The following RBBP8 variants were observed in gnomAD, a reference collection of about 807,000 sequenced individuals.
RBBP8 encodes the protein RB binding protein 8, endonuclease.
RBBP8 carries 88 observed loss-of-function variants against 108.3 expected under a neutral mutation model. That is an observed-to-expected ratio of 0.81 (90% CI 0.68 to 0.97). RBBP8 has a LOEUF of 0.97. Among genes scored for constraint, RBBP8 ranks in the 50% least tolerant of loss-of-function variants. RBBP8 has a pLI of 0.00. For synonymous variants in RBBP8, 332 were observed against 348.2 expected, an observed-to-expected ratio of 0.95 and a Z score of 0.52; for missense variants, 1,023 against 1,049.0, an observed-to-expected ratio of 0.98 and a Z score of 0.34.
intron 12 of RBBP8, 89 bp downstream of exon 12, chr18:22,993,936 T>A (rs1478798253): frequency 7.0e-7 from 1 of 1,420,488 alleles, no homozygotes; most frequent in African/African-American, 1.4e-5. Flanking sequence ...TGAATTGTTT[T>A]GGAAAAAAAC....
intron 16 of RBBP8, among the ~76,000 whole-genome samples, chr18:23,011,688 C>G (rs544873450): frequency 1.3e-5 from 2 of 152,192 alleles, no homozygotes; most frequent in South Asian, 4.1e-4. Flanking sequence ...ATCCGCCTGC[C>G]TAGGTCTCCC....
At chr18:23,008,705 T>C (rs2046101532) in intron 16 of RBBP8, among the ~76,000 whole-genome samples, 3 of 152,082 alleles carry the variant, frequency 2.0e-5, no homozygotes, top group Non-Finnish European at 2.9e-5. Flanking sequence ...GGTTGCACTT[T>C]AGTCATTGTT....
intron 4 of RBBP8, among the ~76,000 whole-genome samples, chr18:22,954,113 T>C (rs1460553489): frequency 3.3e-5 from 5 of 152,098 alleles, no homozygotes; most frequent in Non-Finnish European, 7.4e-5. Context: ...AGCCAAATCA[T>C]ATCATTCCAC....
chr18:22,956,106 G>A (rs566978737), intron 4 of RBBP8, among the ~76,000 whole-genome samples: 93 of 150,420 alleles, frequency 6.2e-4, no homozygotes, highest in African/African-American at 2.0e-3. Flanking sequence ...TTTTTTTTTC[G>A]TTTTTGTTTT....
intron 16 of RBBP8, among the ~76,000 whole-genome samples, chr18:23,007,003 A>G (rs11873573): frequency 1 from 150,588 of 151,224 alleles, 74,976 homozygotes; most frequent in African/African-American, 1. Context: ...GTGCGTGTGC[A>G]TGTGTGTGTG....
intron 2 of RBBP8, among the ~76,000 whole-genome samples, chr18:22,938,999 G>A (rs931545291): frequency 5.9e-5 from 9 of 152,190 alleles, no homozygotes; most frequent in Admixed American, 1.3e-4. Context: ...ATGAAGCTAA[G>A]CTCAAGGTTT....
chr18:22,996,300 T>A, intron 12 of RBBP8, 74 bp from the exon 13 acceptor site: 1 of 1,583,006 alleles, frequency 6.3e-7, no homozygotes, highest in South Asian at 1.1e-5. Context: ...ATTCTTTAGG[T>A]CCCATAATAT....
chr18:22,993,418 G>T lies in RBBP8; in HGVS notation c.1591G>T (p.Gly531Cys). 6.2e-7 allele frequency: 1 copy of T among 1,614,182 alleles called. No individual in the cohort carries two copies. The highest frequency in any genetic ancestry group is 1.1e-5 in the South Asian group (1 of 91,080). ...LYEALKTIPK[G>C]FSSSRKASDG... ...TGAGGCTTTGAAGACCATTCCAAAG[G>T]GCTTTTCCTCAAGCCGTAAGGCCTC... The change falls in exon 11 of 19, where the codon GGC becomes TGC. Residue 531 changes from glycine to cysteine, a missense_variant. By Grantham distance (159) the Gly-to-Cys change is radical. Transcript: ENST00000327155.
At chr18:22,953,478 T>A (rs1158202937) in intron 4 of RBBP8, among the ~76,000 whole-genome samples, 2 of 152,224 alleles carry the variant, frequency 1.3e-5, no homozygotes, top group Non-Finnish European at 2.9e-5. Context: ...AAACATTGGC[T>A]TAATACAATT....
intron 12 of RBBP8, among the ~76,000 whole-genome samples, 171 bp downstream of exon 12, chr18:22,994,018 T>C (rs1013949331): frequency 8.1e-6 from 1 of 123,272 alleles, no homozygotes; most frequent in Non-Finnish European, 1.7e-5. Flanking sequence ...TCTGTTCTTT[T>C]TTTTTTTTTT....
chr18:23,009,317 T>C (rs1258869968), intron 16 of RBBP8, among the ~76,000 whole-genome samples: 2 of 151,932 alleles, frequency 1.3e-5, no homozygotes, highest in Non-Finnish European at 2.9e-5. Flanking sequence ...GTTTGAAAAC[T>C]TTTTGTATGC....
chr18:23,008,593 T>C (rs2046099634), intron 16 of RBBP8, among the ~76,000 whole-genome samples: 1 of 152,090 alleles, frequency 6.6e-6, no homozygotes. Flanking sequence ...GGAAGCTTCT[T>C]TCATAGGTTT....
chr18:22,979,707 C>T (rs1434553798), intron 6 of RBBP8, among the ~76,000 whole-genome samples: 4 of 152,190 alleles, frequency 2.6e-5, no homozygotes, highest in African/African-American at 4.8e-5. Flanking sequence ...ACTCAACATT[C>T]ACAATTCAAT....
At chr18:23,025,102 A>G (rs1371693925) in intron 18 of RBBP8, among the ~76,000 whole-genome samples, 1 of 151,868 alleles carries the variant, frequency 6.6e-6, no homozygotes, top group Non-Finnish European at 1.5e-5. Flanking sequence ...AAATAATAAA[A>G]TTAGCCAGGT....
At chr18:22,985,094 A>G in intron 8 of RBBP8, 104 bp downstream of exon 8, 1 of 1,482,910 alleles carries the variant, frequency 6.7e-7, no homozygotes, top group Non-Finnish European at 9.0e-7. Context: ...GGTATTTTCC[A>G]TATAATTTTG....
At chr18:23,008,769 ATTTT>A in intron 16 of RBBP8, among the ~76,000 whole-genome samples, 1 of 100,014 alleles carries the variant, frequency 1.0e-5, no homozygotes, top group South Asian at 3.4e-4. Flanking sequence ...TATGACTTTG[ATTTT>A]TTTTTTTTTT....
intron 12 of RBBP8, among the ~76,000 whole-genome samples, chr18:22,994,646 CAA>C (rs201468478): frequency 3.7e-5 from 4 of 109,166 alleles, no homozygotes; most frequent in Non-Finnish European, 3.8e-5. Flanking sequence ...GACTCCGTCT[CAA>C]AAAAAAAAAA....
At chr18:22,947,018 G>A (rs1460465026) in intron 3 of RBBP8, among the ~76,000 whole-genome samples, 1 of 151,880 alleles carries the variant, frequency 6.6e-6, no homozygotes, top group Non-Finnish European at 1.5e-5. Context: ...TTTAAGTTCG[G>A]GAACATATTT....
chr18:22,936,899 A>T lies in RBBP8; in HGVS notation c.48A>T (p.Thr16=). 6.2e-7 allele frequency: 1 copy of T among 1,614,196 alleles called. No homozygotes were observed. The highest frequency in any genetic ancestry group is 8.5e-7 in the Non-Finnish European group (1 of 1,180,030). The change falls in exon 2 of 19, where the codon ACA becomes ACT. Residue 16 remains threonine, a synonymous_variant. Coordinates refer to ENST00000327155, the MANE Select transcript of RBBP8 (RefSeq NM_002894.3). ...SSCGSPNSAD[T]SSDFKDLWTK... is the part of the protein sequence containing the mutation. ...GTGGAAGCCCTAACTCTGCAGATAC[A>T]TCTAGTGACTTTAAGGACCTTTGGA...
Sources: allele counts gnomAD v4.1 joint callset (sites outside exome capture counted in the v4.1 genomes callset), GRCh38; gene constraint gnomAD v4.1.1; transcripts MANE v1.5; gene names NCBI Gene and HGNC (gene_info 2026-07-23, HGNC 2026-07-21).